The following GARRE1 variants were observed in gnomAD, a reference collection of about 807,000 sequenced individuals.
The protein encoded by GARRE1 is granule associated Rac and RHOG effector 1.
A neutral mutation model predicts 103.2 loss-of-function variants in GARRE1; 49 were observed. That is an observed-to-expected ratio of 0.47 (90% CI 0.38 to 0.60). The LOEUF is 0.60. Ranked by LOEUF, GARRE1 falls within the 20% of genes least tolerant of loss-of-function variation. GARRE1 has a pLI of 0.00. For missense variants in GARRE1, 1,199 were observed against 1,370.5 expected (o/e 0.87, Z 1.98); for synonymous variants, 505 against 532.8 (o/e 0.95, Z 0.72).
At chr19:34,307,206 G>A (rs2074010975) in intron 2 of GARRE1, among the ~76,000 whole-genome samples, 1 of 152,150 alleles carries the variant, frequency 6.6e-6, no homozygotes, top group South Asian at 2.1e-4. Context: ...GGCAAGGTGA[G>A]GTACACCTCT....
chr19:34,294,979 C>T (rs571503440), intron 1 of GARRE1, among the ~76,000 whole-genome samples: 1 of 152,302 alleles, frequency 6.6e-6, no homozygotes, highest in East Asian at 1.9e-4. Context: ...GGCCAGCCAA[C>T]TGGACATTTT....
intron 6 of GARRE1, among the ~76,000 whole-genome samples, chr19:34,328,527 TA>T (rs71165650): frequency 0.64 from 90,930 of 143,196 alleles, 28,791 homozygotes; most frequent in Non-Finnish European, 0.68. Flanking sequence ...AACTCTGTCT[TA>T]AAAAAAAAAA....
At position 34,300,762 on chromosome 19, in the gene GARRE1, C is replaced by A; in HGVS notation, c.289C>A (p.Leu97Ile). The change falls in exon 2 of 14, where the codon CTC becomes ATC. Residue 97 changes from leucine to isoleucine, a missense_variant. Physicochemically the swap from Leu to Ile is conservative, Grantham distance 5. Coordinates refer to ENST00000299505, the MANE Select transcript of GARRE1 (RefSeq NM_014686.5). ...LNVFCRASTF[L>I]TDLFSTVFRN... Reference sequence around the variant, plus strand: ...CGTCTTCTGCCGTGCCAGTACTTTCCTCACAGATCTCTTCAGCACTGTGTT... The same window carrying A: ...CGTCTTCTGCCGTGCCAGTACTTTCATCACAGATCTCTTCAGCACTGTGTT... 1 of 1,614,238 alleles carries A rather than the reference C, an allele frequency of 6.2e-7. No individual in the cohort carries two copies. The highest frequency in any genetic ancestry group is 1.7e-5 in the Admixed American group (1 of 60,030).
At chr19:34,339,717 G>A in intron 8 of GARRE1, 150 bp from the exon 9 acceptor site, 2 of 853,328 alleles carry the variant, frequency 2.3e-6, no homozygotes, top group South Asian at 1.6e-5. Context: ...TCCAGGATCA[G>A]CCCTGTTGTT....
At chr19:34,341,332 T>C (rs1270917604) in intron 9 of GARRE1, 90 bp from the exon 10 acceptor site, 2 of 1,122,650 alleles carry the variant, frequency 1.8e-6, no homozygotes, top group South Asian at 1.5e-5. Flanking sequence ...TTTTTCTTGC[T>C]CTCAACGCCA....
At position 34,268,080 on chromosome 19, in the gene GARRE1, T is replaced by G. The variant is rs1178180423; in HGVS notation, c.-796+13466T>G. 5.5e-5 allele frequency among the ~76,000 whole-genome samples: 8 copies of G among 145,580 alleles called. No homozygotes were observed. In the East Asian group the frequency reaches 5.8e-4, roughly 11 times the overall value. The stretch of plus-strand genomic sequence containing the variant: ...AACCACTGCACGTGGTGCTTTGTGT[T>G]TTTTTTTTTTTAAATCTACTTAGAA... On this transcript the variant is annotated intron_variant, in intron 1 of 13. Transcript: ENST00000299505.
intron 12 of GARRE1, 135 bp downstream of exon 12, chr19:34,349,288 C>T (rs1379590896): frequency 3.4e-6 from 3 of 877,306 alleles, no homozygotes; most frequent in Non-Finnish European, 5.3e-6. Context: ...TCCAGCAATG[C>T]CTGGCTGAAG....
At chr19:34,347,833 C>A in intron 10 of GARRE1, 44 bp from the exon 11 acceptor site, 1 of 1,463,912 alleles carries the variant, frequency 6.8e-7, no homozygotes, top group Non-Finnish European at 9.1e-7. Flanking sequence ...GACCAAGAGG[C>A]CAGTTTGTCC....
chr19:34,319,961 C>T lies in GARRE1; in HGVS notation c.550C>T (p.His184Tyr), dbSNP rs762268753. ...VVQVHFQFLT[H>Y]ALQKVQPVAH... Reference sequence around the variant, plus strand: ...GCAAGTCCATTTCCAGTTTTTGACTCATGCGTTACAGAAGGTCCAGCCGGT... The same window carrying T: ...GCAAGTCCATTTCCAGTTTTTGACTTATGCGTTACAGAAGGTCCAGCCGGT... Residue 184 changes from histidine to tyrosine, a missense_variant, in exon 3 of 14, where the codon CAT becomes TAT. His to Tyr is a moderately conservative substitution (Grantham distance 83). Transcript: ENST00000299505. The T allele has an allele frequency of 6.2e-7, 1 of 1,614,252 alleles. No individual in the cohort carries two copies. The highest frequency in any genetic ancestry group is 8.5e-7 in the Non-Finnish European group (1 of 1,180,048).
Position 34,352,703 on chromosome 19 carries a change from TCCCAGCACGCTG to T in GARRE1, c.2968_2979del (p.Thr990_Ser993del). The T allele has an allele frequency of 6.2e-7, 1 of 1,613,904 alleles. No individual in the cohort carries two copies. The highest frequency in any genetic ancestry group is 1.1e-5 in the South Asian group (1 of 91,072). On this transcript the variant is annotated inframe_deletion, in exon 14 of 14. Transcript: ENST00000299505. ...CACCCTGGCAGCACCCTTCCCCGCT[TCCCAGCACGCTG>T]CCCAGCCCCAGCGCACCACTCTATG...
intron 12 of GARRE1, among the ~76,000 whole-genome samples, chr19:34,350,632 A>G (rs1462601343): frequency 6.6e-6 from 1 of 152,116 alleles, no homozygotes; most frequent in African/African-American, 2.4e-5. Flanking sequence ...CCCAGGCTGG[A>G]GTGCAGTGGC....
At chr19:34,255,431 C>T (rs1207431178) in intron 1 of GARRE1, among the ~76,000 whole-genome samples, 1 of 152,204 alleles carries the variant, frequency 6.6e-6, no homozygotes, top group Non-Finnish European at 1.5e-5. Flanking sequence ...GTTAATTCTC[C>T]TTTCCTGGCA....
intron 1 of GARRE1, among the ~76,000 whole-genome samples, chr19:34,278,315 A>G (rs1447302312): frequency 6.6e-6 from 1 of 151,848 alleles, no homozygotes; most frequent in Non-Finnish European, 1.5e-5. Context: ...GTGGTGGCAT[A>G]AGCCTGCAGT....
chr19:34,352,948 A>G lies in GARRE1; in HGVS notation c.3206A>G (p.Gln1069Arg). The G allele has an allele frequency of 6.7e-7, 1 of 1,491,290 alleles. No homozygotes were observed. Among genetic ancestry groups the G allele is most frequent in the Non-Finnish European group, 9.0e-7 (1 of 1,113,014 alleles). The allele number at this position is 1,491,290 out of a possible 1,614,324, so 92.4% of individuals were successfully genotyped here. ...GAGCGCAGGCCAGCCTATCTGCCCC[A>G]GTACTGACCCCAGGCCAGCCAGCCT... The part of the protein sequence containing the change: ...KGERRPAYLP[Q>R]Y The change falls in exon 14 of 14, where the codon CAG (glutamine) becomes CGG (arginine). Residue 1069 changes from glutamine (Q) to arginine (R), a missense_variant. Coordinates refer to ENST00000299505, the MANE Select transcript of GARRE1 (RefSeq NM_014686.5).
At chr19:34,298,055 A>G (rs1375995134) in intron 1 of GARRE1, among the ~76,000 whole-genome samples, 2 of 152,288 alleles carry the variant, frequency 1.3e-5, no homozygotes, top group South Asian at 2.1e-4. Context: ...TTATATATTC[A>G]AAAAAGGAAA....
At chr19:34,304,787 T>A (rs1396448016) in intron 2 of GARRE1, among the ~76,000 whole-genome samples, 1 of 147,062 alleles carries the variant, frequency 6.8e-6, no homozygotes, top group East Asian at 1.9e-4. Context: ...ATTTTTATTT[T>A]TTATTTATTT....
At chr19:34,261,458 T>C (rs1235783541) in intron 1 of GARRE1, among the ~76,000 whole-genome samples, 1 of 152,036 alleles carries the variant, frequency 6.6e-6, no homozygotes, top group East Asian at 1.9e-4. Flanking sequence ...AACTGCTTGC[T>C]TCTGGGTGCA....
chr19:34,333,491 A>C (rs2074146495), intron 7 of GARRE1, among the ~76,000 whole-genome samples: 1 of 152,200 alleles, frequency 6.6e-6, no homozygotes, highest in Non-Finnish European at 1.5e-5. Context: ...TTCCATGCCC[A>C]GAATGTGGTT....
At chr19:34,283,308 T>G (rs1313287833) in intron 1 of GARRE1, among the ~76,000 whole-genome samples, 1 of 152,228 alleles carries the variant, frequency 6.6e-6, no homozygotes, top group Admixed American at 6.5e-5. Flanking sequence ...TAGTTATCAA[T>G]GAAGTGTGTG....
Sources: gnomAD v4.1 joint callset for allele counts (sites outside exome capture counted in the v4.1 genomes callset) on GRCh38, gnomAD v4.1.1 for gene constraint, MANE v1.5 for transcripts, NCBI Gene and HGNC (gene_info 2026-07-23, HGNC 2026-07-21) for gene names.